The following KCNAB2 variants were observed in gnomAD, a reference collection of about 807,000 sequenced individuals.
KCNAB2 encodes voltage-gated potassium channel subunit beta-2.
KCNAB2 carries 29 observed loss-of-function variants against 63.6 expected under a neutral mutation model. That is an observed-to-expected ratio of 0.46 (90% CI 0.34 to 0.62). The LOEUF is 0.62. KCNAB2 is among the 20% of genes least tolerant of loss of function. The probability of loss-of-function intolerance (pLI) is 0.01; values close to 1 mark genes in which losing one functional copy is unlikely to be tolerated. For synonymous variants in KCNAB2, 222 were observed against 224.2 expected (o/e 0.99, Z 0.09); for missense variants, 359 against 563.9 (o/e 0.64, Z 3.68).
At position 6,096,468 on chromosome 1, in the gene KCNAB2, C is replaced by T. The variant is rs1665648348; in HGVS notation, c.949-168C>T. The T allele has an allele frequency of 1.3e-5, 12 of 905,512 alleles. No homozygotes were observed. Among genetic ancestry groups the T allele is most frequent in the Non-Finnish European group, 1.6e-5 (10 of 607,314 alleles). The allele number at this position is 905,512 out of a possible 1,614,324, so 56.1% of individuals were successfully genotyped here. A position where few individuals can be genotyped will look rare whatever the true frequency, so the allele number is the denominator to read the frequency against. ...CGTGCCCGGCCCACTGCCCACTCTC[C>T]CCTACTTGAGAGGCCTGGGGCAGGG... On this transcript the variant is annotated intron_variant, in intron 13 of 15. Transcript: ENST00000378083. This position sits in a 1 kb window ranked among gnomAD's most constrained non-coding sequence, Gnocchi z 5.9.
chr1:6,055,105 C>T (rs1219385372), intron 2 of KCNAB2, among the ~76,000 whole-genome samples: 1 of 152,198 alleles, frequency 6.6e-6, no homozygotes, highest in Non-Finnish European at 1.5e-5. Context: ...ACACTGCCCA[C>T]ACCTGGACTT....
chr1:6,064,460 A>G (rs917594828), intron 2 of KCNAB2, among the ~76,000 whole-genome samples: 3 of 152,196 alleles, frequency 2.0e-5, no homozygotes, highest in East Asian at 1.9e-4. Context: ...AGCAAATTCC[A>G]TCTTGGCCCT....
intron 1 of KCNAB2, among the ~76,000 whole-genome samples, chr1:6,047,939 C>T (rs554923249): frequency 5.3e-5 from 8 of 152,220 alleles, no homozygotes; most frequent in Non-Finnish European, 7.4e-5. Context: ...GGGCTCCCTC[C>T]GTGCCGCAGG....
chr1:6,060,402 G>A (rs1010773448), intron 2 of KCNAB2, among the ~76,000 whole-genome samples: 8 of 152,216 alleles, frequency 5.3e-5, no homozygotes, highest in Non-Finnish European at 1.2e-4. Context: ...CCTCCTCCAG[G>A]AAGGCCACCG....
Position 6,022,584 on chromosome 1 carries a change from T to G in KCNAB2, c.-52-17933T>G, listed in dbSNP as rs1006897427. Among the ~76,000 whole-genome samples, 6 of 152,218 alleles carry G rather than the reference T, an allele frequency of 3.9e-5. No homozygotes were observed. In the South Asian group the frequency reaches 1.0e-3, roughly 26 times the overall value. On this transcript the variant is annotated intron_variant, in intron 1 of 16. Transcript: ENST00000341524. Reference sequence around the variant, plus strand: ...TATGCACTACCATCACCACCATCCATCTCCAGAACCTTTTTATTCTCCCAA... The same window carrying G: ...TATGCACTACCATCACCACCATCCAGCTCCAGAACCTTTTTATTCTCCCAA...
At chr1:6,043,530 C>T (rs578012384), upstream of KCNAB2, among the ~76,000 whole-genome samples, 2 of 152,244 alleles carry the variant, frequency 1.3e-5, no homozygotes, top group African/African-American at 2.4e-5. Context: ...TGCCCACAGG[C>T]TCTGGCCATC....
intron 1 of KCNAB2, among the ~76,000 whole-genome samples, chr1:6,048,296 T>C (rs1365814251): frequency 6.6e-6 from 1 of 152,202 alleles, no homozygotes; most frequent in Non-Finnish European, 1.5e-5. Context: ...TTATCATAAT[T>C]GGTGTCTTAT....
chr1:6,053,802 C>T (rs1431893663), intron 2 of KCNAB2, among the ~76,000 whole-genome samples: 1 of 152,154 alleles, frequency 6.6e-6, no homozygotes, highest in Non-Finnish European at 1.5e-5. Context: ...TGACGTTAGG[C>T]TGGGTGTGGT....
In KCNAB2 at chr1:6,090,494, C is replaced by T. The variant is rs771747994; in HGVS notation, c.601+19C>T. ...ATGGAAGGTAGGTGGTCTGCGGCGG[C>T]GCCACCGGTTAGGCCTGGGCGGGGT... On this transcript the variant is annotated intron_variant, in intron 9 of 15. Coordinates refer to ENST00000378083, the MANE Select transcript of KCNAB2 (RefSeq NM_001199862.2). 20 of 1,597,476 alleles carry T rather than the reference C, an allele frequency of 1.3e-5. No individual in the cohort carries two copies. The East Asian group carries it at 2.7e-4, about 21-fold the overall frequency.
upstream of KCNAB2, among the ~76,000 whole-genome samples, chr1:6,044,401 G>T (rs530342163): frequency 1.3e-5 from 2 of 152,216 alleles, no homozygotes; most frequent in East Asian, 1.9e-4. Flanking sequence ...GGCAGCAGGG[G>T]CTTGGATCTG....
At position 6,096,534 on chromosome 1, in the gene KCNAB2, G is replaced by A; in HGVS notation, c.949-102G>A. 7.0e-7 allele frequency: 1 copy of A among 1,425,684 alleles called. No individual in the cohort carries two copies. Among genetic ancestry groups the A allele is most frequent in the Non-Finnish European group, 9.4e-7 (1 of 1,065,336 alleles). The allele number at this position is 1,425,684 out of a possible 1,614,324, so 88.3% of individuals were successfully genotyped here. ...CAAGATGAGAAGAGCCCCTATGAGG[G>A]AGAAGGGTCCAGAAGGAATGAGCCC... On this transcript the variant is annotated intron_variant, in intron 13 of 15. Coordinates refer to ENST00000378083, the MANE Select transcript of KCNAB2 (RefSeq NM_001199862.2). This position sits in a 1 kb window ranked among gnomAD's most constrained non-coding sequence, Gnocchi z 5.9.
At position 6,003,348 on chromosome 1, in the gene KCNAB2, G is replaced by A. The variant is rs1039458373; in HGVS notation, c.-53+10560G>A. Among the ~76,000 whole-genome samples the A allele has an allele frequency of 4.6e-5, 7 of 152,136 alleles. No homozygotes were observed. Among genetic ancestry groups the A allele is most frequent in the Admixed American group, 2.0e-4 (3 of 15,282 alleles). ...CCTCCCCACCAGAGCAGGGTCATGG[G>A]GTCAGAGGCAGGGTCCGTGTGGTGT... On this transcript the variant is annotated intron_variant, in intron 1 of 16. Coordinates refer to the KCNAB2 transcript ENST00000341524. This position sits in a 1 kb window ranked among gnomAD's most constrained non-coding sequence, Gnocchi z 4.1.
chr1:6,000,405 A>T (rs1457026445), intron 1 of KCNAB2, among the ~76,000 whole-genome samples: 1 of 152,148 alleles, frequency 6.6e-6, no homozygotes, highest in East Asian at 1.9e-4. Flanking sequence ...GGAGTAGTGG[A>T]TGCCTCCTTA....
chr1:6,055,739 C>T (rs1158840691), intron 2 of KCNAB2, among the ~76,000 whole-genome samples: 2 of 152,068 alleles, frequency 1.3e-5, no homozygotes, highest in African/African-American at 4.8e-5. Context: ...AGGGTGGTGG[C>T]CTCACTCTAT....
intron 1 of KCNAB2, among the ~76,000 whole-genome samples, chr1:6,047,104 C>G (rs1660992117): frequency 6.6e-6 from 1 of 152,096 alleles, no homozygotes; most frequent in Non-Finnish European, 1.5e-5. Context: ...TTTCTTGGTA[C>G]CAGGGTGGTG....
chr1:6,078,718 C>T lies in KCNAB2; in HGVS notation c.301-3477C>T, dbSNP rs575422307. Among the ~76,000 whole-genome samples the T allele has an allele frequency of 3.9e-5, 6 of 152,300 alleles. No homozygotes were observed. The highest frequency in any genetic ancestry group is 7.4e-5 in the Non-Finnish European group (5 of 68,018). On this transcript the variant is annotated intron_variant, in intron 4 of 15. Transcript: ENST00000378083. The surrounding 1 kb of genome is among the most constrained non-coding windows in gnomAD (Gnocchi z 4.2). ...CTGATTTAAAAGGTCTGCCAAGGCT[C>T]GCCCTGGCTGCTGCACTGGGAATGG...
chr1:6,092,483 G>GAGCCAA (rs1362016787), intron 10 of KCNAB2, among the ~76,000 whole-genome samples: 1 of 152,256 alleles, frequency 6.6e-6, no homozygotes, highest in East Asian at 1.9e-4. Flanking sequence ...GAACGGGGCT[G>GAGCCAA]GCCTTGGGGG....
rs1051168685 is a variant in KCNAB2, at chr1:6,096,618, C to T, written c.949-18C>T. 5 of 1,607,168 alleles carry T rather than the reference C, an allele frequency of 3.1e-6. No homozygotes were observed. The African/African-American group carries it at 5.3e-5, about 17-fold the overall frequency. On this transcript the variant is annotated intron_variant, in intron 13 of 15. Transcript: ENST00000378083. This position sits in a 1 kb window ranked among gnomAD's most constrained non-coding sequence, Gnocchi z 5.9. ...TGCTCTCATCTGTAGCTGTGCTGCT[C>T]CCCTCCCCCGCAACCAGGGCTACCA... is the stretch of plus-strand genomic sequence containing the variant.
At chr1:6,090,344 G>A (rs1332464890) in intron 8 of KCNAB2, 45 bp from the exon 9 acceptor site, 1 of 1,406,008 alleles carries the variant, frequency 7.1e-7, no homozygotes, top group East Asian at 2.3e-5. Context: ...TGCCTGTGGA[G>A]ATGGAGCCAC....
Sources: gnomAD v4.1 joint callset for allele counts (sites outside exome capture counted in the v4.1 genomes callset) on GRCh38, gnomAD v4.1.1 for gene constraint, Gnocchi (gnomAD v3.1) non-coding constraint, MANE v1.5 for transcripts, NCBI Gene and HGNC (gene_info 2026-07-23, HGNC 2026-07-21) for gene names.